Variants in ZNF536 observed in about 807,000 individuals in gnomAD.
ZNF536 encodes zinc finger protein 536.
ZNF536 carries 13 observed loss-of-function variants against 84.5 expected under a neutral mutation model. The observed-to-expected ratio is 0.15, with a 90% CI of 0.10 to 0.24. The LOEUF is 0.24. Among genes scored for constraint, ZNF536 ranks in the 10% least tolerant of loss-of-function variants. The pLI, the probability that ZNF536 is intolerant of heterozygous loss-of-function variation, is 1.00. For missense variants in ZNF536, 1,536 were observed against 1,747.5 expected, an observed-to-expected ratio of 0.88 and a Z score of 2.16; for synonymous variants, 811 against 742.5, an observed-to-expected ratio of 1.09 and a Z score of -1.50.
At chr19:30,645,453 T>G (rs1248208014) in intron 1 of ZNF536, among the ~76,000 whole-genome samples, 1 of 152,188 alleles carries the variant, frequency 6.6e-6, no homozygotes, top group Non-Finnish European at 1.5e-5. Context: ...TTGGGGGGAA[T>G]CAATGCCTTG....
chr19:30,397,960 G>A (rs574206058), intron 1 of ZNF536, among the ~76,000 whole-genome samples: 4 of 152,152 alleles, frequency 2.6e-5, no homozygotes, highest in Non-Finnish European at 4.4e-5. Flanking sequence ...ACAGAAAATA[G>A]CCCATGATTT....
chr19:30,473,165 C>T (rs1028076088), intron 2 of ZNF536, among the ~76,000 whole-genome samples: 2 of 151,918 alleles, frequency 1.3e-5, no homozygotes, highest in African/African-American at 2.4e-5. Context: ...AAGATCATGT[C>T]ACTGCACTCC....
intron 1 of ZNF536, among the ~76,000 whole-genome samples, chr19:30,272,194 T>G (rs2025890663): frequency 6.6e-6 from 1 of 152,216 alleles, no homozygotes; most frequent in Non-Finnish European, 1.5e-5. Flanking sequence ...TTTCTCTTTT[T>G]TTTCTTTGTA....
At chr19:30,430,143 C>T (rs2051388893) in intron 1 of ZNF536, among the ~76,000 whole-genome samples, 1 of 152,060 alleles carries the variant, frequency 6.6e-6, no homozygotes, top group Non-Finnish European at 1.5e-5. Context: ...AAACTTCTCA[C>T]CTGGCTGTGC....
At chr19:30,673,328 C>T (rs959790493) in intron 1 of ZNF536, among the ~76,000 whole-genome samples, 3 of 152,120 alleles carry the variant, frequency 2.0e-5, no homozygotes, top group Admixed American at 6.5e-5. Flanking sequence ...GCTTGGTCTT[C>T]CTCTGCCTAG....
rs1210476169 is a variant in ZNF536 at position 30,628,784 on chromosome 19, C to A, written c.169+79270C>A. Among the ~76,000 whole-genome samples the A allele has an allele frequency of 2.6e-5, 4 of 151,780 alleles. No individual in the cohort carries two copies. In the South Asian group the frequency reaches 8.4e-4, roughly 32 times the overall value. On this transcript the variant is annotated intron_variant, in intron 1 of 1. Transcript: ENST00000592773. ...CATGATCTCGGCTCACTGCAACCTCCACCTCCTGGGTCCTGGTTCAAGCAA... is the reference window on the plus strand; with the variant it reads ...CATGATCTCGGCTCACTGCAACCTCAACCTCCTGGGTCCTGGTTCAAGCAA...
chr19:30,299,961 C>T (rs1354207267), intron 2 of ZNF536, among the ~76,000 whole-genome samples: 1 of 152,112 alleles, frequency 6.6e-6, no homozygotes, highest in Non-Finnish European at 1.5e-5. Flanking sequence ...GCTTAACAAG[C>T]CATCTCGATG....
In ZNF536 at chr19:30,608,125, T is replaced by C. The variant is rs115513145; in HGVS notation, c.169+58611T>C. ...TAAATTCATTGAAGAGAAATTGCAA[T>C]TGATTTTTTGAATGGATTTGTTTGG... On this transcript the variant is annotated intron_variant, in intron 1 of 1. Coordinates refer to the ZNF536 transcript ENST00000592773. 4.7e-3 allele frequency among the ~76,000 whole-genome samples: 716 copies of C among 152,356 alleles called. 6 individuals are homozygous for C. The highest frequency in any genetic ancestry group is 0.016 in the African/African-American group (682 of 41,584).
chr19:30,253,404 T>C (rs1281835980), intron 1 of ZNF536, among the ~76,000 whole-genome samples: 1 of 152,240 alleles, frequency 6.6e-6, no homozygotes, highest in African/African-American at 2.4e-5. Flanking sequence ...ATCATATCAA[T>C]GCGAATCTTA....
At chr19:30,478,429 G>A (rs2053940029) in intron 2 of ZNF536, among the ~76,000 whole-genome samples, 1 of 151,996 alleles carries the variant, frequency 6.6e-6, no homozygotes, top group Non-Finnish European at 1.5e-5. Flanking sequence ...AGCCTGAGGA[G>A]CTCTGATCTT....
At chr19:30,542,616 C>T (rs892119813) in intron 3 of ZNF536, among the ~76,000 whole-genome samples, 6 of 152,134 alleles carry the variant, frequency 3.9e-5, no homozygotes, top group African/African-American at 7.2e-5. Context: ...GAGGTTTCCC[C>T]GCAGAAGGCT....
chr19:30,684,816 G>A (rs561952640), intron 1 of ZNF536, among the ~76,000 whole-genome samples: 33 of 152,292 alleles, frequency 2.2e-4, no homozygotes, highest in South Asian at 1.5e-3. Flanking sequence ...CATGGGCAGC[G>A]GTCGGGACCT....
intron 1 of ZNF536, among the ~76,000 whole-genome samples, chr19:30,664,707 G>A (rs945041176): frequency 6.6e-6 from 1 of 152,176 alleles, no homozygotes; most frequent in Admixed American, 6.5e-5. Context: ...GGGGAGGGTG[G>A]GGATGGGGGA....
chr19:30,678,443 G>A (rs1377872004), intron 1 of ZNF536, among the ~76,000 whole-genome samples: 1 of 152,150 alleles, frequency 6.6e-6, no homozygotes, highest in Admixed American at 6.5e-5. Flanking sequence ...GCAGAGACCT[G>A]CACAAGCTCT....
intron 1 of ZNF536, among the ~76,000 whole-genome samples, chr19:30,666,443 A>G (rs2050322474): frequency 6.7e-6 from 1 of 149,716 alleles, no homozygotes; most frequent in African/African-American, 2.5e-5. Context: ...CTCTCCTCCC[A>G]TCCTCTGCTG....
intron 1 of ZNF536, among the ~76,000 whole-genome samples, chr19:30,428,578 G>A (rs1568418835): frequency 1.3e-5 from 2 of 152,056 alleles, no homozygotes; most frequent in African/African-American, 2.4e-5. Context: ...AGCTTGGGTA[G>A]GTGATACTTC....
chr19:30,384,324 C>CCCTCT (rs2049246688), intron 1 of ZNF536, among the ~76,000 whole-genome samples: 1 of 46,498 alleles, frequency 2.2e-5, no homozygotes, highest in Non-Finnish European at 4.3e-5. Context: ...CCTTCCCCTC[C>CCCTCT]CCTCCCCTCC....
downstream of ZNF536, among the ~76,000 whole-genome samples, chr19:30,560,258 T>C (rs577680155): frequency 6.6e-6 from 1 of 152,016 alleles, no homozygotes; most frequent in Non-Finnish European, 1.5e-5. Context: ...CCAAGTGGGA[T>C]TATAACAAGC....
intron 2 of ZNF536, among the ~76,000 whole-genome samples, chr19:30,530,236 G>C (rs2044746862): frequency 6.6e-6 from 1 of 152,224 alleles, no homozygotes; most frequent in Non-Finnish European, 1.5e-5. Flanking sequence ...TAGAGGAAAA[G>C]AAAATTAAAA....
Sources: gnomAD v4.1 joint callset for allele counts (sites outside exome capture counted in the v4.1 genomes callset) on GRCh38, gnomAD v4.1.1 for gene constraint, MANE v1.5 for transcripts, NCBI Gene and HGNC (gene_info 2026-07-23, HGNC 2026-07-21) for gene names.